The following APLP2 variants were observed in gnomAD, a reference collection of about 807,000 sequenced individuals.
APLP2 encodes the protein amyloid beta precursor like protein 2.
A neutral mutation model predicts 89.9 loss-of-function variants in APLP2; 53 were observed. The ratio of observed to expected loss-of-function variants is 0.59; its 90% CI spans 0.47 to 0.74. The LOEUF (loss-of-function observed/expected upper bound fraction) is 0.74. Ranked by LOEUF, APLP2 falls within the 30% of genes least tolerant of loss-of-function variation. The pLI is 0.00. For synonymous variants in APLP2, 372 were observed against 348.6 expected (o/e 1.07, Z -0.75); for missense variants, 973 against 975.9 (o/e 1.00, Z 0.04).
chr11:130,077,634 C>T (rs766409020), intron 1 of APLP2, among the ~76,000 whole-genome samples: 1 of 151,512 alleles, frequency 6.6e-6, no homozygotes, highest in Non-Finnish European at 1.5e-5. Context: ...CAAAAAACCA[C>T]TGGATACGGA....
intron 1 of APLP2, among the ~76,000 whole-genome samples, chr11:130,091,527 C>T (rs1945191957): frequency 7.0e-6 from 1 of 142,942 alleles, no homozygotes; most frequent in African/African-American, 2.7e-5. Flanking sequence ...GACAGGGCGG[C>T]TGGCCGGGCG....
intron 7 of APLP2, among the ~76,000 whole-genome samples, chr11:130,124,215 G>A (rs999215186): frequency 2.7e-4 from 41 of 152,220 alleles, no homozygotes; most frequent in Admixed American, 2.3e-3. Context: ...ATGCATGCCA[G>A]CTCATGGGGC....
At position 130,141,562 on chromosome 11, in the gene APLP2, A is replaced by G. The variant is rs1455223312; in HGVS notation, c.1988A>G (p.Glu663Gly). ...AATGCCGAGAGAGTTGGAGGCCTCG[A>G]GGAAGAGCGGGTACGTGTTTAGCTC... The part of the protein sequence containing the change: ...IFNAERVGGL[E>G]EERESVGPLR... Residue 663 changes from glutamate to glycine, a missense_variant, in exon 15 of 17, where the codon GAG (glutamate) becomes GGG (glycine). Coordinates refer to ENST00000338167, the MANE Select transcript of APLP2 (RefSeq NM_001142276.2). The surrounding 1 kb of genome is among the most constrained non-coding windows in gnomAD (Gnocchi z 4.2). 6.2e-7 allele frequency: 1 copy of G among 1,613,864 alleles called. No individual in the cohort carries two copies. Among genetic ancestry groups the G allele is most frequent in the Non-Finnish European group, 8.5e-7 (1 of 1,179,962 alleles).
intron 1 of APLP2, among the ~76,000 whole-genome samples, chr11:130,093,320 CAA>C (rs1319065625): frequency 6.6e-6 from 1 of 152,088 alleles, no homozygotes; most frequent in African/African-American, 2.4e-5. Flanking sequence ...GAGAACAAAA[CAA>C]GAAGAAAAAG....
Position 130,122,379 on chromosome 11 carries a change from A to G in APLP2, c.788A>G (p.Glu263Gly), listed in dbSNP as rs1565588971. Residue 263 changes from glutamate (E) to glycine (G), a missense_variant, in exon 6 of 17, where the codon GAA (glutamate) becomes GGA (glycine). Coordinates refer to ENST00000338167, the MANE Select transcript of APLP2 (RefSeq NM_001142276.2). ...AVDEDDEDEEEGEEVVEDRDY... is the reference protein window; with the variant it reads ...AVDEDDEDEEGGEEVVEDRDY... ...GATGAGGATGATGAGGATGAGGAAG[A>G]AGGGGAGGAAGTGGTGGAGGACCGA... 6.2e-7 allele frequency: 1 copy of G among 1,614,010 alleles called. No individual in the cohort carries two copies. Among genetic ancestry groups the G allele is most frequent in the Non-Finnish European group, 8.5e-7 (1 of 1,180,010 alleles).
Position 130,123,880 on chromosome 11 carries a change from A to G in APLP2, c.1090+101A>G. On this transcript the variant is annotated intron_variant, in intron 7 of 16. Coordinates refer to ENST00000338167, the MANE Select transcript of APLP2 (RefSeq NM_001142276.2). This position sits in a 1 kb window ranked among gnomAD's most constrained non-coding sequence, Gnocchi z 4.0. ...CTGCATCTGTGTGGTGTCCCTGCCCACTCGGGTGTTTGCTGTCGGTCGTCT... is the reference window on the plus strand; with the variant it reads ...CTGCATCTGTGTGGTGTCCCTGCCCGCTCGGGTGTTTGCTGTCGGTCGTCT... 3.0e-6 allele frequency: 4 copies of G among 1,333,804 alleles called. No homozygotes were observed. Among genetic ancestry groups the G allele is most frequent in the South Asian group, 1.3e-5 (1 of 74,316 alleles). The allele number at this position is 1,333,804 out of a possible 1,614,324, so 82.6% of individuals were successfully genotyped here.
intron 3 of APLP2, among the ~76,000 whole-genome samples, chr11:130,117,975 G>A (rs914966996): frequency 6.6e-6 from 1 of 151,984 alleles, no homozygotes; most frequent in Admixed American, 6.6e-5. Flanking sequence ...TACTTGGGAG[G>A]CTGAGGCAGG....
chr11:130,107,823 T>C (rs1034256519), intron 1 of APLP2, among the ~76,000 whole-genome samples: 59 of 152,264 alleles, frequency 3.9e-4, no homozygotes, highest in African/African-American at 1.4e-3. Context: ...TATACTTCAA[T>C]GCTACAGTAA....
intron 1 of APLP2, among the ~76,000 whole-genome samples, chr11:130,080,176 C>A (rs1196683837): frequency 2.0e-5 from 3 of 152,056 alleles, no homozygotes; most frequent in African/African-American, 4.8e-5. Context: ...AAGTTAATAG[C>A]CTCCTAAGTT....
intron 1 of APLP2, among the ~76,000 whole-genome samples, chr11:130,075,775 A>T (rs1942023141): frequency 1.3e-5 from 2 of 152,158 alleles, no homozygotes; most frequent in South Asian, 4.1e-4. Flanking sequence ...CATCCTATCT[A>T]AGCCTACTGC....
intron 13 of APLP2, among the ~76,000 whole-genome samples, chr11:130,139,999 A>T (rs372275845): frequency 8.1e-4 from 123 of 152,308 alleles, no homozygotes; most frequent in African/African-American, 2.9e-3. Context: ...GGTTATTGTG[A>T]GGATGGGTGC....
At chr11:130,072,715 G>A (rs1358185580) in intron 1 of APLP2, among the ~76,000 whole-genome samples, 1 of 152,174 alleles carries the variant, frequency 6.6e-6, no homozygotes, top group African/African-American at 2.4e-5. Context: ...GATCTCAGGT[G>A]ATCCACCTGC....
intron 1 of APLP2, among the ~76,000 whole-genome samples, chr11:130,085,802 G>A (rs527789767): frequency 3.9e-5 from 6 of 152,306 alleles, no homozygotes; most frequent in African/African-American, 1.4e-4. Flanking sequence ...TGGGGCTCAA[G>A]TAAGTGAAAT....
chr11:130,070,019 G>T lies in APLP2; in HGVS notation c.42G>T (p.Arg14Ser), dbSNP rs1249842205. 3 of 1,510,716 alleles carry T rather than the reference G, an allele frequency of 2.0e-6. No individual in the cohort carries two copies. The highest frequency in any genetic ancestry group is 2.9e-5 in the African/African-American group (2 of 69,834). The allele number at this position is 1,510,716 out of a possible 1,614,324, so 93.6% of individuals were successfully genotyped here. A position where few individuals can be genotyped will look rare whatever the true frequency, so the allele number is the denominator to read the frequency against. ...CCGCGGCCGCCGCAGCCACGGGCAG[G>T]CTCCTGCTTCTGCTGCTGGTGGGGC... ...TGTAAAAATG[R>S]LLLLLLVGLT... Residue 14 changes from arginine (R) to serine (S), a missense_variant, in exon 1 of 17, where the codon AGG (arginine) becomes AGT (serine). Physicochemically the swap from Arg to Ser is moderately radical, Grantham distance 110. Coordinates refer to ENST00000338167, the MANE Select transcript of APLP2 (RefSeq NM_001142276.2).
intron 1 of APLP2, among the ~76,000 whole-genome samples, chr11:130,104,030 T>C (rs79196942): frequency 0.059 from 8,953 of 152,122 alleles, 274 homozygotes; most frequent in Non-Finnish European, 0.073. Flanking sequence ...TAATTCTATC[T>C]GAACTTTCGA....
intron 8 of APLP2, 35 bp from the exon 9 acceptor site, chr11:130,127,731 A>T (rs752765205): frequency 6.3e-7 from 1 of 1,588,850 alleles, no homozygotes; most frequent in Non-Finnish European, 8.6e-7. Context: ...CGGGGTATTA[A>T]TCACTGCTGA....
At chr11:130,138,581 G>GTTTTT (rs34805457) in intron 13 of APLP2, among the ~76,000 whole-genome samples, 39 of 91,396 alleles carry the variant, frequency 4.3e-4, no homozygotes, top group Admixed American at 6.3e-4. Context: ...CTGGTGGTAG[G>GTTTTT]TTTTTTTTTT....
chr11:130,115,518 C>T (rs2135871286), intron 3 of APLP2, among the ~76,000 whole-genome samples: 1 of 152,262 alleles, frequency 6.6e-6, no homozygotes, highest in African/African-American at 2.4e-5. Context: ...GGCGATAAAT[C>T]CTAACTGCAG....
chr11:130,121,247 T>C (rs1949786100), intron 4 of APLP2, among the ~76,000 whole-genome samples: 1 of 152,206 alleles, frequency 6.6e-6, no homozygotes, highest in African/African-American at 2.4e-5. Flanking sequence ...CTCTGCTCTT[T>C]GGTCAGTAAT....
Sources: allele counts gnomAD v4.1 joint callset (sites outside exome capture counted in the v4.1 genomes callset), GRCh38; gene constraint gnomAD v4.1.1; non-coding constraint Gnocchi (gnomAD v3.1); transcripts MANE v1.5; gene names NCBI Gene and HGNC (gene_info 2026-07-23, HGNC 2026-07-21).